AAMDC: variants seen among roughly 807,000 people sequenced by gnomAD.
AAMDC encodes adipogenesis associated Mth938 domain containing.
In AAMDC, 16 loss-of-function variants were observed where a neutral mutation model predicts 15.5. That is an observed-to-expected ratio of 1.03 (90% confidence interval 0.70 to 1.57). AAMDC has a LOEUF of 1.57. Ranked by LOEUF, AAMDC falls within the 40% of genes most tolerant of loss-of-function variation. The pLI, the probability that AAMDC is intolerant of heterozygous loss-of-function variation, is 0.00. For missense variants in AAMDC, 141 were observed against 144.9 expected, an observed-to-expected ratio of 0.97 and a Z score of 0.14; for synonymous variants, 51 against 51.6, an observed-to-expected ratio of 0.99 and a Z score of 0.05.
intron 2 of AAMDC, among the ~76,000 whole-genome samples, chr11:77,868,205 G>A (rs1429153687): frequency 6.0e-5 from 9 of 150,746 alleles, no homozygotes; most frequent in African/African-American, 7.3e-5. Flanking sequence ...ACAGGCACCC[G>A]CTACCTGGCC....
intron 2 of AAMDC, among the ~76,000 whole-genome samples, chr11:77,856,492 TTTTC>T (rs1400177152): frequency 6.6e-6 from 1 of 152,162 alleles, no homozygotes; most frequent in Non-Finnish European, 1.5e-5. Flanking sequence ...CTGGTACCAA[TTTTC>T]TTTGTTAGTC....
chr11:77,869,638 TTGAA>T, intron 2 of AAMDC, 80 bp from the exon 3 acceptor site: 4 of 1,336,718 alleles, frequency 3.0e-6, no homozygotes, highest in South Asian at 1.2e-5. Context: ...TAGACATTTC[TTGAA>T]TGAATGAATC....
rs909903640 is a variant in AAMDC, at chr11:77,865,589, C to T, written c.133-4133C>T. ...ATTTAACTGCAAGAAGTACAGAAAA[C>T]GGAGTGTCTAGCTTATCAGCTATAT... On this transcript the variant is annotated intron_variant, in intron 2 of 3. Coordinates refer to ENST00000393427, the MANE Select transcript of AAMDC (RefSeq NM_024684.4). Among the ~76,000 whole-genome samples the T allele has an allele frequency of 3.3e-5, 5 of 152,150 alleles. No individual in the cohort carries two copies. The East Asian group carries it at 5.8e-4, about 18-fold the overall frequency.
intron 2 of AAMDC, among the ~76,000 whole-genome samples, chr11:77,843,094 A>T (rs1950001843): frequency 1.3e-5 from 2 of 152,302 alleles, no homozygotes; most frequent in African/African-American, 4.8e-5. Context: ...GTACTGCCAG[A>T]CTATCTTCCA....
intron 5 of AAMDC, among the ~76,000 whole-genome samples, chr11:77,889,686 C>T (rs1952178919): frequency 6.6e-6 from 1 of 152,078 alleles, no homozygotes; most frequent in Admixed American, 6.6e-5. Flanking sequence ...CTATTGAGCA[C>T]CTGAAGTAGT....
At chr11:77,881,899 T>A (rs4945223) in intron 5 of AAMDC, among the ~76,000 whole-genome samples, 2 of 151,684 alleles carry the variant, frequency 1.3e-5, no homozygotes, top group African/African-American at 2.4e-5. Context: ...TCTTGTTTTC[T>A]TGTTTCTGAT....
intron 1 of AAMDC, among the ~76,000 whole-genome samples, chr11:77,833,702 A>G (rs1949557271): frequency 6.6e-6 from 1 of 152,300 alleles, no homozygotes; most frequent in Non-Finnish European, 1.5e-5. Context: ...ATTTGTACCT[A>G]TTAGAATGTT....
intron 5 of AAMDC, among the ~76,000 whole-genome samples, chr11:77,899,527 G>A (rs543722316): frequency 4.2e-4 from 64 of 151,886 alleles, no homozygotes; most frequent in African/African-American, 1.5e-3. Context: ...AAAATTAGCC[G>A]GGCATGGTGT....
chr11:77,893,825 G>A (rs567598676), intron 5 of AAMDC, among the ~76,000 whole-genome samples: 208 of 151,846 alleles, frequency 1.4e-3, no homozygotes, highest in Non-Finnish European at 2.4e-3. Flanking sequence ...CCCAGGAGGC[G>A]GAGGCTGCAG....
At chr11:77,885,135 T>C (rs1334308445) in intron 5 of AAMDC, among the ~76,000 whole-genome samples, 1 of 152,076 alleles carries the variant, frequency 6.6e-6, no homozygotes, top group African/African-American at 2.4e-5. Flanking sequence ...TGAACTGCAG[T>C]GGCATGATCT....
At chr11:77,895,924 G>A (rs896989910) in intron 5 of AAMDC, among the ~76,000 whole-genome samples, 2 of 152,086 alleles carry the variant, frequency 1.3e-5, no homozygotes, top group African/African-American at 2.4e-5. Flanking sequence ...AGGCTCACTC[G>A]GGGGCTAACA....
chr11:77,867,185 A>T (rs1392670704), intron 2 of AAMDC, among the ~76,000 whole-genome samples: 1 of 152,074 alleles, frequency 6.6e-6, no homozygotes, highest in Non-Finnish European at 1.5e-5. Context: ...TATCTCCATA[A>T]CGTCTCATCT....
intron 2 of AAMDC, among the ~76,000 whole-genome samples, chr11:77,847,981 C>T (rs1950213213): frequency 1.3e-5 from 2 of 152,148 alleles, no homozygotes; most frequent in African/African-American, 4.8e-5. Flanking sequence ...AATTCTCCTT[C>T]CTCTGCTTTA....
intron 5 of AAMDC, chr11:77,891,480 ATCCTATGATTTTAAAGCCAGGTCAT>A (rs1224105679): frequency 6.2e-7 from 1 of 1,613,078 alleles, no homozygotes; most frequent in South Asian, 1.1e-5. Context: ...CAAGAGGAAA[ATCCTATGATTTTAAAGCCAGGTCAT>A]TCCTGGATGA....
At chr11:77,883,813 C>G in intron 5 of AAMDC, 1 of 1,611,554 alleles carries the variant, frequency 6.2e-7, no homozygotes. Flanking sequence ...CCCTTCCCAC[C>G]CTGGTCCTGA....
chr11:77,891,647 A>C lies in AAMDC; in HGVS notation c.329-8924A>C, dbSNP rs750570849. 1.1e-5 allele frequency: 17 copies of C among 1,609,080 alleles called. No homozygotes were observed. The East Asian group carries it at 3.6e-4, about 34-fold the overall frequency. ...GGTAAAGATTTTTGACCGTCTGGAC[A>C]GATTTGGCCTACAGGGGCCAAATAG... On this transcript the variant is annotated intron_variant, in intron 5 of 5. Transcript: ENST00000304716.
At chr11:77,822,448 A>G (rs1028314950) in intron 1 of AAMDC, among the ~76,000 whole-genome samples, 1 of 151,378 alleles carries the variant, frequency 6.6e-6, no homozygotes, top group African/African-American at 2.4e-5. Flanking sequence ...ATTTGAAGCA[A>G]GGTACAACAC....
chr11:77,838,113 T>C (rs1949767457), intron 1 of AAMDC, among the ~76,000 whole-genome samples: 2 of 152,150 alleles, frequency 1.3e-5, no homozygotes, highest in Non-Finnish European at 2.9e-5. Flanking sequence ...AAATGGGTTA[T>C]TAGTTATTAA....
chr11:77,837,754 A>G (rs1949751093), intron 1 of AAMDC, among the ~76,000 whole-genome samples: 2 of 152,130 alleles, frequency 1.3e-5, no homozygotes, highest in African/African-American at 4.8e-5. Context: ...CTTATTTTTT[A>G]GATGGACATT....
Sources: allele counts gnomAD v4.1 joint callset (sites outside exome capture counted in the v4.1 genomes callset), GRCh38; gene constraint gnomAD v4.1.1; transcripts MANE v1.5; gene names NCBI Gene and HGNC (gene_info 2026-07-23, HGNC 2026-07-21).